TCTN1: variants seen among roughly 807,000 people sequenced by gnomAD.
The protein encoded by TCTN1 is tectonic family member 1.
A neutral mutation model predicts 65.8 loss-of-function variants in TCTN1; 58 were observed. The ratio of observed to expected loss-of-function variants is 0.88; its 90% confidence interval spans 0.71 to 1.10. The LOEUF is 1.10. TCTN1 is among the 50% of genes least tolerant of loss of function. The probability of loss-of-function intolerance (pLI) is 0.00; values close to 1 mark genes in which losing one functional copy is unlikely to be tolerated. For synonymous variants in TCTN1, 273 were observed against 289.1 expected, an observed-to-expected ratio of 0.94 and a Z score of 0.57; for missense variants, 645 against 719.4, an observed-to-expected ratio of 0.90 and a Z score of 1.18.
At chr12:110,636,148 G>A in intron 6 of TCTN1, 1 of 320,868 alleles carries the variant, frequency 3.1e-6, no homozygotes, top group Non-Finnish European at 6.0e-6. Context: ...GACCAGGAGT[G>A]CAAGAACTGT....
In TCTN1 at chr12:110,648,440, T is replaced by C. The variant is rs139518437; in HGVS notation, c.*1+547T>C. ...AGAACCCAAAAAGTCTTTGGGGAGA[T>C]GGTAAAGAACATGAACAGGACTTGA... On this transcript the variant is annotated intron_variant, in intron 14 of 14. Transcript: ENST00000397659. Among the ~76,000 whole-genome samples, 5 of 152,262 alleles carry C rather than the reference T, an allele frequency of 3.3e-5. No homozygotes were observed. In the East Asian group the frequency reaches 9.6e-4, roughly 29 times the overall value.
At chr12:110,642,057 C>A in intron 10 of TCTN1, 192 bp from the exon 11 acceptor site, 2 of 668,668 alleles carry the variant, frequency 3.0e-6, no homozygotes, top group South Asian at 1.9e-5. Flanking sequence ...GAGAATTTTT[C>A]TTCTGAGAAT....
intron 3 of TCTN1, 97 bp downstream of exon 3, chr12:110,626,589 G>T: frequency 7.6e-7 from 1 of 1,311,466 alleles, no homozygotes. Context: ...TTATGATTAT[G>T]GTTTTTTTGA....
chr12:110,632,721 C>T (rs535339043), intron 5 of TCTN1, 162 bp downstream of exon 5: 1 of 695,896 alleles, frequency 1.4e-6, no homozygotes, highest in Non-Finnish European at 2.5e-6. Context: ...TTAAACAGGC[C>T]TCGTAACTAA....
intron 4 of TCTN1, among the ~76,000 whole-genome samples, chr12:110,631,232 C>T (rs1198685844): frequency 1.1e-4 from 16 of 151,850 alleles, no homozygotes; most frequent in Non-Finnish European, 1.9e-4. Flanking sequence ...ACCATGTTGG[C>T]CAGGCTGGTC....
chr12:110,644,751 C>A lies in TCTN1; in HGVS notation c.1332-216C>A. 1 of 612,460 alleles carries A rather than the reference C, an allele frequency of 1.6e-6. No homozygotes were observed. The highest frequency in any genetic ancestry group is 2.9e-6 in the Non-Finnish European group (1 of 348,564). The allele number at this position is 612,460 out of a possible 1,614,324, so 37.9% of individuals were successfully genotyped here. A position where few individuals can be genotyped will look rare whatever the true frequency, so the allele number is the denominator to read the frequency against. On this transcript the variant is annotated intron_variant, in intron 11 of 14. Transcript: ENST00000397659. The surrounding 1 kb of genome is among the most constrained non-coding windows in gnomAD (Gnocchi z 4.6). The stretch of plus-strand genomic sequence containing the variant: ...CTGGTGGGCTGGGTGTGGTGGCTCA[C>A]TCCTGTAGTCCCAGCACTCTGGGAG...
chr12:110,619,952 G>T lies in TCTN1; in HGVS notation c.337G>T (p.Val113Phe). 6.2e-7 allele frequency: 1 copy of T among 1,614,088 alleles called. No homozygotes were observed. ...CTTTTCTGCCTGCTCAGTTCCAGTT[G>T]TCACGTAAGTTTACGTATGACACAT... ...SVFSACSVPV[V>F]TGDSQFCSQK... Residue 113 changes from valine to phenylalanine, a missense_variant, in exon 2 of 15, where the codon GTC (valine) becomes TTC (phenylalanine). Transcript: ENST00000397659.
chr12:110,619,952 G>A lies in TCTN1; in HGVS notation c.337G>A (p.Val113Ile). ...CTTTTCTGCCTGCTCAGTTCCAGTT[G>A]TCACGTAAGTTTACGTATGACACAT... is the stretch of plus-strand genomic sequence containing the variant. ...SVFSACSVPV[V>I]TGDSQFCSQK... The change falls in exon 2 of 15, where the codon GTC becomes ATC. Residue 113 changes from valine to isoleucine, a missense_variant. Physicochemically the swap from Val to Ile is conservative, Grantham distance 29 (BLOSUM62 3). Coordinates refer to ENST00000397659, the MANE Select transcript of TCTN1 (RefSeq NM_001082538.3). The A allele has an allele frequency of 6.2e-7, 1 of 1,614,088 alleles. No individual in the cohort carries two copies. The highest frequency in any genetic ancestry group is 8.5e-7 in the Non-Finnish European group (1 of 1,180,026).
chr12:110,642,466 C>A, intron 11 of TCTN1, 77 bp downstream of exon 11: 4 of 1,600,198 alleles, frequency 2.5e-6, no homozygotes, highest in South Asian at 1.1e-5. Flanking sequence ...CCATTTTAAT[C>A]AAATCTCTGC....
At chr12:110,628,988 G>C in intron 4 of TCTN1, 70 bp downstream of exon 4, 1 of 1,588,890 alleles carries the variant, frequency 6.3e-7, no homozygotes, top group Non-Finnish European at 8.6e-7. Flanking sequence ...AATTTTCAAG[G>C]TTACCAGGAA....
chr12:110,643,620 C>T (rs1566005532), intron 11 of TCTN1: 1 of 152,142 alleles, frequency 6.6e-6, no homozygotes. Context: ...CACACACTTC[C>T]CACATCTTCC....
Position 110,649,095 on chromosome 12 carries a change from C to T in TCTN1, c.*54C>T. The T allele has an allele frequency of 1.6e-6, 1 of 616,650 alleles. No individual in the cohort carries two copies. Among genetic ancestry groups the T allele is most frequent in the South Asian group, 1.5e-5 (1 of 65,138 alleles). The allele number at this position is 616,650 out of a possible 1,614,324, so 38.2% of individuals were successfully genotyped here. ...ATACACGTGAAATTTGAAAACTGTA[C>T]ATTCGGTGAGATTAAATTTTATATA... On this transcript the variant is annotated 3_prime_UTR_variant, in exon 15 of 15. Coordinates refer to ENST00000397659, the MANE Select transcript of TCTN1 (RefSeq NM_001082538.3).
At chr12:110,638,425 C>T (rs2066727346) in intron 7 of TCTN1, among the ~76,000 whole-genome samples, 1 of 152,208 alleles carries the variant, frequency 6.6e-6, no homozygotes, top group South Asian at 2.1e-4. Flanking sequence ...TGGGTCTAAT[C>T]TCCCCACTAA....
At chr12:110,617,473 G>A (rs949273311) in intron 1 of TCTN1, among the ~76,000 whole-genome samples, 5 of 151,518 alleles carry the variant, frequency 3.3e-5, no homozygotes, top group African/African-American at 4.9e-5. Context: ...ACAGCCGCGC[G>A]CCACCATGCC....
At chr12:110,617,237 G>A (rs1262134588) in intron 1 of TCTN1, among the ~76,000 whole-genome samples, 2 of 152,058 alleles carry the variant, frequency 1.3e-5, no homozygotes, top group African/African-American at 4.8e-5. Flanking sequence ...AACTTTAGGG[G>A]GAAAGCTTTT....
rs2136145539 is a variant in TCTN1 at position 110,642,381 on chromosome 12, T to C, written c.1323T>C (p.Cys441=). Reference sequence around the variant, plus strand: ...TTGGTTACACTATGCAATCTGGCTGTAAACTAAGGTAAAAGAGTCACTTGT... The same window carrying C: ...TTGGTTACACTATGCAATCTGGCTGCAAACTAAGGTAAAAGAGTCACTTGT... ...VLFGYTMQSG[C]KLRLTGALPC... The change falls in exon 11 of 15, where the codon TGT becomes TGC. Residue 441 remains cysteine (C), a synonymous_variant. Coordinates refer to ENST00000397659, the MANE Select transcript of TCTN1 (RefSeq NM_001082538.3). The C allele has an allele frequency of 6.2e-7, 1 of 1,614,222 alleles. No individual in the cohort carries two copies. Among genetic ancestry groups the C allele is most frequent in the Non-Finnish European group, 8.5e-7 (1 of 1,180,038 alleles).
At position 110,632,556 on chromosome 12, in the gene TCTN1, G is replaced by A; in HGVS notation, c.709G>A (p.Ala237Thr). 1 of 1,613,872 alleles carries A rather than the reference G, an allele frequency of 6.2e-7. No homozygotes were observed. Among genetic ancestry groups the A allele is most frequent in the Non-Finnish European group, 8.5e-7 (1 of 1,179,860 alleles). ...TSSLCTDNNPAAFLVNQAVKC... is the reference protein window; with the variant it reads ...TSSLCTDNNPTAFLVNQAVKC... The stretch of plus-strand genomic sequence containing the variant: ...ATCTCTGTGCACTGATAATAACCCT[G>A]CAGGTAAGAAAGTGGTCATTCTTCT... The change falls in exon 5 of 15, where the codon GCA (alanine) becomes ACA (threonine). Residue 237 changes from alanine to threonine, a missense_variant. Physicochemically the swap from Ala to Thr is moderately conservative, Grantham distance 58. Coordinates refer to ENST00000397659, the MANE Select transcript of TCTN1 (RefSeq NM_001082538.3).
Position 110,649,356 on chromosome 12 carries a change from G to A in TCTN1, c.*315G>A. The A allele has an allele frequency of 6.9e-7, 1 of 1,440,976 alleles. No homozygotes were observed. Among genetic ancestry groups the A allele is most frequent in the Non-Finnish European group, 9.7e-7 (1 of 1,030,112 alleles). The allele number at this position is 1,440,976 out of a possible 1,614,324, so 89.3% of individuals were successfully genotyped here. Reference sequence around the variant, plus strand: ...CAGGAGGGGCAGCTGTTCCTCTCGTGACAGCACAGGCCCATGAGACAGTGT... The same window carrying A: ...CAGGAGGGGCAGCTGTTCCTCTCGTAACAGCACAGGCCCATGAGACAGTGT... On this transcript the variant is annotated 3_prime_UTR_variant, in exon 15 of 15. Transcript: ENST00000397659.
At chr12:110,638,748 C>G (rs892698292) in intron 7 of TCTN1, among the ~76,000 whole-genome samples, 16 of 152,200 alleles carry the variant, frequency 1.1e-4, no homozygotes, top group African/African-American at 3.9e-4. Context: ...GGAAGTGGCT[C>G]CAGCAGAGGC....
Sources: allele counts gnomAD v4.1 joint callset (sites outside exome capture counted in the v4.1 genomes callset), GRCh38; gene constraint gnomAD v4.1.1; non-coding constraint Gnocchi (gnomAD v3.1); transcripts MANE v1.5; gene names NCBI Gene and HGNC (gene_info 2026-07-23, HGNC 2026-07-21).